BCAS1: variants seen among roughly 807,000 people sequenced by gnomAD.
BCAS1 encodes breast carcinoma-amplified sequence 1.
In BCAS1, 46 loss-of-function variants were observed where a neutral mutation model predicts 65.4. That is an observed-to-expected ratio of 0.70 (90% confidence interval 0.55 to 0.90). The LOEUF is 0.90. Ranked by LOEUF, BCAS1 falls within the 40% of genes least tolerant of loss-of-function variation. The pLI, the probability that BCAS1 is intolerant of heterozygous loss-of-function variation, is 0.00. For synonymous variants in BCAS1, 298 were observed against 293.5 expected (o/e 1.02, Z -0.16); for missense variants, 793 against 771.2 (o/e 1.03, Z -0.33).
At chr20:54,004,521 G>GCCT (rs1391117766) in intron 4 of BCAS1, among the ~76,000 whole-genome samples, 1 of 152,166 alleles carries the variant, frequency 6.6e-6, no homozygotes, top group Non-Finnish European at 1.5e-5. Flanking sequence ...ATGAATAACT[G>GCCT]AACAGGTGTC....
intron 4 of BCAS1, among the ~76,000 whole-genome samples, chr20:54,020,707 C>T (rs1308282966): frequency 2.0e-5 from 3 of 152,134 alleles, no homozygotes; most frequent in Non-Finnish European, 4.4e-5. Flanking sequence ...CTCAATGTGT[C>T]GAAGTGGTCA....
Position 53,992,512 on chromosome 20 carries a change from C to T in BCAS1, c.1062G>A (p.Lys354=), listed in dbSNP as rs2145824555. 7.3e-7 allele frequency: 1 copy of T among 1,365,722 alleles called. No homozygotes were observed. The highest frequency in any genetic ancestry group is 9.8e-7 in the Non-Finnish European group (1 of 1,021,710). 84.6% of individuals were successfully genotyped at this position (1,365,722 alleles called of 1,614,324 possible). ...GLAFRKFFRH[K]GAEKSPTTSA... ...CCTCCTACTTTAATAAGATACAGAC[C>T]TTATGCCTAAAGAATTTTCTAAAGG... The change falls in exon 7 of 13, where the codon AAG becomes AAA. Residue 354 remains lysine (K), a splice_region_variant and synonymous_variant. Coordinates refer to ENST00000688948, the MANE Select transcript of BCAS1 (RefSeq NM_001366298.2).
At chr20:53,977,287 T>C (rs2090359980) in intron 8 of BCAS1, among the ~76,000 whole-genome samples, 1 of 152,190 alleles carries the variant, frequency 6.6e-6, no homozygotes, top group Admixed American at 6.5e-5. Flanking sequence ...AGCCAAACCA[T>C]ATCAGATACT....
chr20:54,024,848 G>C (rs2091637129), intron 4 of BCAS1, among the ~76,000 whole-genome samples: 1 of 152,182 alleles, frequency 6.6e-6, no homozygotes, highest in African/African-American at 2.4e-5. Context: ...ACATCATGGT[G>C]GCTGTGACAA....
chr20:54,062,048 G>T (rs1394883245), intron 1 of BCAS1, among the ~76,000 whole-genome samples: 3 of 152,192 alleles, frequency 2.0e-5, no homozygotes, highest in African/African-American at 7.2e-5. Context: ...ATAAAGTTTT[G>T]CTGGAAGATA....
chr20:54,033,612 C>G (rs2091845408), intron 3 of BCAS1, among the ~76,000 whole-genome samples: 1 of 150,946 alleles, frequency 6.6e-6, no homozygotes. Context: ...GAAATTGAAT[C>G]CCTGAACAGA....
In BCAS1 at chr20:54,013,962, T is replaced by C. The variant is rs191383218; in HGVS notation, c.723+14430A>G. 1.7e-3 allele frequency among the ~76,000 whole-genome samples: 259 copies of C among 152,390 alleles called. 1 individual carries two copies. Among genetic ancestry groups the C allele is most frequent in the Non-Finnish European group, 1.1e-3 (76 of 68,034 alleles). ...CAATTATCTACTGGGTGGCATTTTA[T>C]AATTTTTTGTTTTGAACAGAGTGAA... On this transcript the variant is annotated intron_variant, in intron 4 of 12. Coordinates refer to ENST00000688948, the MANE Select transcript of BCAS1 (RefSeq NM_001366298.2).
chr20:53,975,458 A>C, intron 8 of BCAS1, 28 bp from the exon 9 acceptor site: 1 of 1,605,292 alleles, frequency 6.2e-7, no homozygotes, highest in Non-Finnish European at 8.5e-7. Flanking sequence ...CAAAAGTGAG[A>C]GTTAAAAGGT....
intron 8 of BCAS1, among the ~76,000 whole-genome samples, chr20:53,981,304 C>T (rs1023938191): frequency 6.6e-6 from 1 of 152,162 alleles, no homozygotes. Context: ...TATGCCCAGA[C>T]TTTCTTAACC....
At chr20:53,945,268 TATCTC>T (rs982198347) in intron 12 of BCAS1, among the ~76,000 whole-genome samples, 2 of 152,196 alleles carry the variant, frequency 1.3e-5, no homozygotes, top group Non-Finnish European at 2.9e-5. Context: ...ATGACAAACT[TATCTC>T]AGAGGGTTGT....
chr20:54,028,799 G>C lies in BCAS1; in HGVS notation c.316C>G (p.Arg106Gly), dbSNP rs537738564. 8.6e-5 allele frequency: 139 copies of C among 1,614,058 alleles called. No homozygotes were observed. Among genetic ancestry groups the C allele is most frequent in the Admixed American group, 2.3e-4 (14 of 60,006 alleles). ...GAATCTGCGGCTTGGTCTCCGGTAC[G>C]TCCTGGTACAGGCCGAGAGAGCATC... ...FLMLSRPVPGRTGDQAADSSL... is the reference protein window; with the variant it reads ...FLMLSRPVPGGTGDQAADSSL... Residue 106 changes from arginine to glycine, a missense_variant, in exon 4 of 13, where the codon CGT becomes GGT. Physicochemically the swap from Arg to Gly is moderately radical, Grantham distance 125 (BLOSUM62 -2). Coordinates refer to ENST00000688948, the MANE Select transcript of BCAS1 (RefSeq NM_001366298.2).
intron 3 of BCAS1, among the ~76,000 whole-genome samples, chr20:54,044,860 A>G (rs2092070517): frequency 6.6e-6 from 1 of 151,924 alleles, no homozygotes; most frequent in Non-Finnish European, 1.5e-5. Context: ...AAAAAAAGAA[A>G]TTTTCTAAGT....
chr20:53,974,556 G>GC (rs2090274772), intron 9 of BCAS1, among the ~76,000 whole-genome samples: 1 of 152,058 alleles, frequency 6.6e-6, no homozygotes, highest in African/African-American at 2.4e-5. Context: ...AAAAACACAC[G>GC]CCCTATTTAT....
chr20:54,062,604 C>T (rs926078043), intron 1 of BCAS1, among the ~76,000 whole-genome samples: 2 of 152,190 alleles, frequency 1.3e-5, no homozygotes, highest in South Asian at 4.1e-4. Flanking sequence ...AACAAAGCTA[C>T]TTTGAATCAA....
rs747242737 is a variant in BCAS1, at chr20:54,039,619, G to A, written c.143-10647C>T. Among the ~76,000 whole-genome samples, 18 of 151,320 alleles carry A rather than the reference G, an allele frequency of 1.2e-4. 1 individual carries two copies. Among genetic ancestry groups the A allele is most frequent in the Non-Finnish European group, 2.4e-4 (16 of 67,654 alleles). ...TGGAATATGCAAAGCTCATTCAAATGCAAAACCAGCCTTTGCTCCAACATG... is the reference window on the plus strand; with the variant it reads ...TGGAATATGCAAAGCTCATTCAAATACAAAACCAGCCTTTGCTCCAACATG... On this transcript the variant is annotated intron_variant, in intron 3 of 12. Transcript: ENST00000688948.
intron 3 of BCAS1, among the ~76,000 whole-genome samples, chr20:54,046,622 T>C (rs1023852418): frequency 1.3e-5 from 2 of 149,864 alleles, no homozygotes; most frequent in Non-Finnish European, 3.0e-5. Flanking sequence ...GATGGGCAGA[T>C]CACCTGAAGT....
intron 10 of BCAS1, among the ~76,000 whole-genome samples, chr20:53,964,567 G>A (rs536937410): frequency 6.6e-6 from 1 of 152,244 alleles, no homozygotes; most frequent in East Asian, 1.9e-4. Context: ...GGATTGCTGG[G>A]GAAAAGTGTG....
intron 3 of BCAS1, among the ~76,000 whole-genome samples, chr20:54,043,400 C>T (rs1400485896): frequency 2.6e-5 from 4 of 152,038 alleles, no homozygotes; most frequent in East Asian, 1.9e-4. Context: ...CTCACACTAT[C>T]GGAGGTTGCC....
Position 53,945,414 on chromosome 20 carries a change from T to TTA in BCAS1, c.1816-419_1816-418insTA, listed in dbSNP as rs1555836766. On this transcript the variant is annotated intron_variant, in intron 12 of 12. Coordinates refer to ENST00000688948, the MANE Select transcript of BCAS1 (RefSeq NM_001366298.2). The stretch of plus-strand genomic sequence containing the variant: ...CTGTTTTATTTTCTTCTTTTTTTTT[T>TTA]ATTATACTTTTAAGTTCTAGGGTAC... 1.8e-4 allele frequency among the ~76,000 whole-genome samples: 27 copies of TTA among 151,240 alleles called. No homozygotes were observed. In the East Asian group the frequency reaches 5.2e-3, roughly 29 times the overall value.
Sources: allele counts gnomAD v4.1 joint callset (sites outside exome capture counted in the v4.1 genomes callset), GRCh38; gene constraint gnomAD v4.1.1; transcripts MANE v1.5; gene names NCBI Gene and HGNC (gene_info 2026-07-23, HGNC 2026-07-21).